The following CHD1L variants were observed in gnomAD, a reference collection of about 807,000 sequenced individuals.
The protein encoded by CHD1L is ATP-dependent chromatin remodeler CHD1L.
Under a neutral mutation model 115.9 loss-of-function variants are expected in CHD1L, and 118 were observed. The observed-to-expected ratio is 1.02, with a 90% confidence interval of 0.88 to 1.19. The LOEUF (loss-of-function observed/expected upper bound fraction) is 1.19. Among genes scored for constraint, CHD1L ranks in the 50% most tolerant of loss-of-function variants. The pLI is 0.00. For missense variants in CHD1L, 1,179 were observed against 1,065.3 expected (o/e 1.11, Z -1.49); for synonymous variants, 411 against 387.1 (o/e 1.06, Z -0.72).
chr1:147,226,906 C>T, the CHD1L span, among the ~76,000 whole-genome samples: 1 of 151,552 alleles, frequency 6.6e-6, no homozygotes, highest in Non-Finnish European at 1.5e-5. Flanking sequence ...AATCATGGCT[C>T]ACTGCAGCCT....
the CHD1L span, among the ~76,000 whole-genome samples, chr1:147,181,809 C>T: frequency 6.6e-6 from 1 of 152,156 alleles, no homozygotes; most frequent in Non-Finnish European, 1.5e-5. Flanking sequence ...TTGGGCCATG[C>T]ATTTTAAATG....
chr1:147,276,767 G>A (rs1244665329), intron 14 of CHD1L, among the ~76,000 whole-genome samples: 1 of 152,190 alleles, frequency 6.6e-6, no homozygotes, highest in Non-Finnish European at 1.5e-5. Flanking sequence ...CACTGGATTG[G>A]AAGATTTTAG....
At chr1:147,201,236 C>A in the CHD1L span, 2 of 1,614,142 alleles carry the variant, frequency 1.2e-6, no homozygotes, top group East Asian at 4.5e-5. Flanking sequence ...CCTATGATTG[C>A]AAGAGTTGGC....
chr1:147,243,839 T>C (rs1665724060), intron 1 of CHD1L, among the ~76,000 whole-genome samples: 1 of 152,246 alleles, frequency 6.6e-6, no homozygotes. Context: ...AAGTATAAAC[T>C]AATTTATTTA....
chr1:147,264,358 T>A, intron 6 of CHD1L, 64 bp from the exon 7 acceptor site: 1 of 1,407,498 alleles, frequency 7.1e-7, no homozygotes, highest in Non-Finnish European at 9.7e-7. Flanking sequence ...AAGGTTGTGA[T>A]GGGTAACTCA....
chr1:147,210,661 T>G, the CHD1L span: 2 of 152,202 alleles, frequency 1.3e-5, no homozygotes, highest in Non-Finnish European at 2.9e-5. Context: ...AAAGATTTCC[T>G]ATTTATGAAA....
chr1:147,201,513 C>A, the CHD1L span: 1 of 1,599,118 alleles, frequency 6.3e-7, no homozygotes, highest in South Asian at 1.1e-5. Flanking sequence ...CTCTGTGAGT[C>A]GTGACAAAGA....
intron 8 of CHD1L, 66 bp from the exon 9 acceptor site, chr1:147,267,360 G>A: frequency 1.6e-6 from 2 of 1,226,470 alleles, no homozygotes; most frequent in Middle Eastern, 1.9e-4. Context: ...AAAACTCAGG[G>A]TTTTGGTTTC....
chr1:147,204,114 T>G, the CHD1L span: 1 of 1,059,580 alleles, frequency 9.4e-7, no homozygotes, highest in Non-Finnish European at 1.5e-6. Context: ...TCCATGAGAT[T>G]TTCTTCTCCC....
the CHD1L span, among the ~76,000 whole-genome samples, chr1:147,182,369 A>G: frequency 3.3e-5 from 5 of 152,356 alleles, no homozygotes; most frequent in East Asian, 7.7e-4. Context: ...ATCTTGGACC[A>G]TGAAGTATAA....
intron 7 of CHD1L, among the ~76,000 whole-genome samples, chr1:147,264,970 C>T (rs587598746): frequency 1.4e-4 from 22 of 152,316 alleles, no homozygotes; most frequent in Middle Eastern, 3.4e-3. Flanking sequence ...CAGCATACTA[C>T]AGCACTGGTA....
the CHD1L span, among the ~76,000 whole-genome samples, chr1:147,220,329 A>G: frequency 6.6e-6 from 1 of 152,242 alleles, no homozygotes; most frequent in African/African-American, 2.4e-5. Flanking sequence ...ATTCTGATTC[A>G]TAGACTAGAA....
chr1:147,231,265 C>G, the CHD1L span, among the ~76,000 whole-genome samples: 1 of 152,232 alleles, frequency 6.6e-6, no homozygotes, highest in East Asian at 1.9e-4. Flanking sequence ...TCGTTATGTA[C>G]CCAGTAGTCA....
chr1:147,173,173 C>G, the CHD1L span: 2 of 153,060 alleles, frequency 1.3e-5, no homozygotes, highest in Non-Finnish European at 2.9e-5. Context: ...TGGTGGCGCG[C>G]GCCGGAAGTC....
intron 1 of CHD1L, among the ~76,000 whole-genome samples, chr1:147,250,014 G>T (rs1667915875): frequency 6.6e-6 from 1 of 151,912 alleles, no homozygotes; most frequent in South Asian, 2.1e-4. Context: ...AACAGCATCA[G>T]TAGCCTTTTA....
the CHD1L span, among the ~76,000 whole-genome samples, chr1:147,173,884 A>C: frequency 1.3e-5 from 2 of 152,330 alleles, no homozygotes; most frequent in South Asian, 2.1e-4. Flanking sequence ...TGTACCTTAT[A>C]CAGAGTAGGC....
At chr1:147,259,626 TA>T (rs880000041) in intron 5 of CHD1L, 20,110 of 370,022 alleles carry the variant, frequency 0.054, 1 homozygote, top group Middle Eastern at 0.082. Flanking sequence ...CCCATTTTGT[TA>T]AAAAAAAAAA....
chr1:147,224,880 A>G, the CHD1L span: 1 of 1,611,682 alleles, frequency 6.2e-7, no homozygotes, highest in South Asian at 1.1e-5. Flanking sequence ...TTAAGGGACT[A>G]GGAGATGTAT....
the CHD1L span, chr1:147,178,745 T>C: frequency 6.3e-7 from 1 of 1,592,602 alleles, no homozygotes; most frequent in Non-Finnish European, 8.6e-7. Flanking sequence ...CCTTCACATC[T>C]CACTAACAAG....
Sources: allele counts gnomAD v4.1 joint callset (sites outside exome capture counted in the v4.1 genomes callset), GRCh38; gene constraint gnomAD v4.1.1; transcripts MANE v1.5; gene names NCBI Gene and HGNC (gene_info 2026-07-23, HGNC 2026-07-21).